The following ROBO3 variants were observed in gnomAD, a reference collection of about 807,000 sequenced individuals.
ROBO3 encodes roundabout guidance receptor 3, also known as roundabout homolog 3.
Under a neutral mutation model 160.5 loss-of-function variants are expected in ROBO3, and 97 were observed. The observed-to-expected ratio is 0.60, with a 90% confidence interval of 0.51 to 0.72. ROBO3 has a LOEUF of 0.72. Among genes scored for constraint, ROBO3 ranks in the 30% least tolerant of loss-of-function variants. The pLI, the probability that ROBO3 is intolerant of heterozygous loss-of-function variation, is 0.00. For synonymous variants in ROBO3, 780 were observed against 746.2 expected (o/e 1.05, Z -0.74); for missense variants, 1,858 against 1,846.5 (o/e 1.01, Z -0.11).
rs762624355 is a variant in ROBO3 at position 124,879,902 on chromosome 11, G to C, written c.3912G>C (p.Ala1304=). 6.2e-7 allele frequency: 1 copy of C among 1,607,494 alleles called. No homozygotes were observed. The highest frequency in any genetic ancestry group is 2.2e-5 in the East Asian group (1 of 44,590). ...GGGAGCGCAGTGGGGAGAGGAAAGCGGTCCAGGCCGTGCCCCTGGCAGCCC... is the reference window on the plus strand; with the variant it reads ...GGGAGCGCAGTGGGGAGAGGAAAGCCGTCCAGGCCGTGCCCCTGGCAGCCC... ...LERERSGERK[A]VQAVPLAAQR... Residue 1304 remains alanine, a synonymous_variant, in exon 26 of 28, where the codon GCG becomes GCC. Transcript: ENST00000397801.
At chr11:124,870,498 G>T in intron 5 of ROBO3, 103 bp from the exon 6 acceptor site, 3 of 1,560,908 alleles carry the variant, frequency 1.9e-6, no homozygotes, top group Non-Finnish European at 2.6e-6. Flanking sequence ...TCCCTGCTGG[G>T]TCCTGCCTGT....
At position 124,874,927 on chromosome 11, in the gene ROBO3, A is replaced by G. The variant is rs952600783; in HGVS notation, c.2073+18A>G. On this transcript the variant is annotated intron_variant, in intron 13 of 27. Transcript: ENST00000397801. ...CCTGGACTGTGAGTGTGGTATGGGG[A>G]GGAGATTCAGGGTGGGGATGATTAT... 1.3e-6 allele frequency: 2 copies of G among 1,599,590 alleles called. No homozygotes were observed. Among genetic ancestry groups the G allele is most frequent in the African/African-American group, 1.3e-5 (1 of 74,718 alleles).
Position 124,876,335 on chromosome 11 carries a change from C to A in ROBO3, c.2654C>A (p.Ala885Glu). 3 of 1,439,358 alleles carry A rather than the reference C, an allele frequency of 2.1e-6. No homozygotes were observed. Among genetic ancestry groups the A allele is most frequent in the African/African-American group, 1.5e-5 (1 of 67,670 alleles). 89.2% of individuals were successfully genotyped at this position (1,439,358 alleles called of 1,614,324 possible). A position where few individuals can be genotyped will look rare whatever the true frequency, so the allele number is the denominator to read the frequency against. The stretch of plus-strand genomic sequence containing the variant: ...GGCGCGGGGCTGGCGGTGCGGCTGG[C>A]GAGGGTGCTGCGGGAGCCCGCCTTC... The part of the protein sequence containing the change: ...EVGAGLAVRL[A>E]RVLREPAFLA... Residue 885 changes from alanine to glutamate, a missense_variant, in exon 17 of 28, where the codon GCG becomes GAG. Transcript: ENST00000397801. The surrounding 1 kb of genome is among the most constrained non-coding windows in gnomAD (Gnocchi z 5.3).
rs573477852 is a variant in ROBO3, at chr11:124,870,278, G to A, written c.880G>A (p.Glu294Lys). The A allele has an allele frequency of 1.2e-6, 2 of 1,613,998 alleles. No individual in the cohort carries two copies. The highest frequency in any genetic ancestry group is 1.1e-5 in the South Asian group (1 of 91,076). ...CCCACCTCGTCTACGCTGGCGCAAG[G>A]AGGATGGGGAACTGCCCACAGGCAG... ...DPPPRLRWRKEDGELPTGRYE... is the reference protein window; with the variant it reads ...DPPPRLRWRKKDGELPTGRYE... The change falls in exon 5 of 28, where the codon GAG (glutamate) becomes AAG (lysine). Residue 294 changes from glutamate (E) to lysine (K), a missense_variant. Transcript: ENST00000397801.
In ROBO3 at chr11:124,871,002, T is replaced by C. The variant is rs2135327376; in HGVS notation, c.1034-12T>C. On this transcript the variant is annotated splice_polypyrimidine_tract_variant and intron_variant, in intron 6 of 27. Transcript: ENST00000397801. ...TGACTACCTGTTCCTTTTTCTCACC[T>C]GCCCTTCCCAGTCCCACCCCAGTTG... 6.2e-7 allele frequency: 1 copy of C among 1,602,542 alleles called. No individual in the cohort carries two copies.
rs1414782646 is a variant in ROBO3, at chr11:124,868,831, C to T, written c.190C>T (p.Pro64Ser). The change falls in exon 2 of 28, where the codon CCC becomes TCC. Residue 64 changes from proline (P) to serine (S), a missense_variant. Transcript: ENST00000397801. Reference sequence around the variant, plus strand: ...AAGGGTAGGACCGGAGGACGCTATGCCCCGCATCGTGGAGCAGCCGCCAGA... The same window carrying T: ...AAGGGTAGGACCGGAGGACGCTATGTCCCGCATCGTGGAGCAGCCGCCAGA... ...GSRVGPEDAMPRIVEQPPDLL... is the reference protein window; with the variant it reads ...GSRVGPEDAMSRIVEQPPDLL... The T allele has an allele frequency of 6.2e-7, 1 of 1,609,818 alleles. No individual in the cohort carries two copies. Among genetic ancestry groups the T allele is most frequent in the South Asian group, 1.1e-5 (1 of 90,070 alleles).
chr11:124,865,692 G>A lies in ROBO3; in HGVS notation c.115G>A (p.Ala39Thr). ...LLLGFNSSLAALNHTLLPPGD... is the reference protein window; with the variant it reads ...LLLGFNSSLATLNHTLLPPGD... ...CTTGGGCTTCAACTCCTCGCTGGCG[G>A]CGCTCAACCACACCCTGCTGCCTCC... The change falls in exon 1 of 28, where the codon GCG becomes ACG. Residue 39 changes from alanine (A) to threonine (T), a missense_variant. Coordinates refer to ENST00000397801, the MANE Select transcript of ROBO3 (RefSeq NM_022370.4). The surrounding 1 kb of genome is among the most constrained non-coding windows in gnomAD (Gnocchi z 5.5). 1.2e-6 allele frequency: 2 copies of A among 1,611,644 alleles called. No individual in the cohort carries two copies. The highest frequency in any genetic ancestry group is 8.5e-7 in the Non-Finnish European group (1 of 1,179,210).
chr11:124,868,538 A>G (rs2135324013), intron 1 of ROBO3: 1 of 613,222 alleles, frequency 1.6e-6, no homozygotes, highest in Non-Finnish European at 2.9e-6. Flanking sequence ...TAGGTGGTCC[A>G]GAAAGCCGGC....
chr11:124,880,275 C>T, intron 26 of ROBO3, 143 bp from the exon 27 acceptor site: 1 of 1,379,166 alleles, frequency 7.3e-7, no homozygotes, highest in East Asian at 2.5e-5. Context: ...CACTCTGCTG[C>T]TCCTCAGCCC....
chr11:124,878,437 G>T lies in ROBO3; in HGVS notation c.3320+1G>T. ...GGCCGGAGGAGGAGCTGGAGGGCAG[G>T]TAGAGATGCTCCCTGCTTCCAGGCC... On this transcript the variant is annotated splice_donor_variant, in intron 22 of 27. Coordinates refer to ENST00000397801, the MANE Select transcript of ROBO3 (RefSeq NM_022370.4). LOFTEE classifies it high-confidence loss of function. The surrounding 1 kb of genome is among the most constrained non-coding windows in gnomAD (Gnocchi z 4.3). 1 of 1,612,376 alleles carries T rather than the reference G, an allele frequency of 6.2e-7. No individual in the cohort carries two copies. Among genetic ancestry groups the T allele is most frequent in the South Asian group, 1.1e-5 (1 of 91,022 alleles).
intron 5 of ROBO3, 38 bp downstream of exon 5, chr11:124,870,341 T>C: frequency 6.3e-7 from 1 of 1,595,342 alleles, no homozygotes; most frequent in Non-Finnish European, 8.5e-7. Context: ...AGACCCAACC[T>C]GATCAAGAGA....
rs201010919 is a variant in ROBO3 at position 124,872,955 on chromosome 11, G to A, written c.1402G>A (p.Val468Met). The A allele has an allele frequency of 2.6e-4, 426 of 1,613,090 alleles. No homozygotes were observed. The highest frequency in any genetic ancestry group is 3.4e-4 in the Non-Finnish European group (403 of 1,179,828). ...TCAGACGCTGGTGCTTGGCTCCTCCGTGTGGCTGCCCTGCAGAGTGACTGG... is the reference window on the plus strand; with the variant it reads ...TCAGACGCTGGTGCTTGGCTCCTCCATGTGGCTGCCCTGCAGAGTGACTGG... Reference protein sequence around the residue: ...ANQTLVLGSSVWLPCRVTGNP... With the variant: ...ANQTLVLGSSMWLPCRVTGNP... The change falls in exon 9 of 28, where the codon GTG becomes ATG. Residue 468 changes from valine to methionine, a missense_variant. Val to Met is a conservative substitution (Grantham distance 21). Transcript: ENST00000397801. This position sits in a 1 kb window ranked among gnomAD's most constrained non-coding sequence, Gnocchi z 4.3.
Position 124,869,078 on chromosome 11 carries a change from G to T in ROBO3, c.437G>T (p.Arg146Leu), listed in dbSNP as rs768751790. 1 of 1,595,662 alleles carries T rather than the reference G, an allele frequency of 6.3e-7. No individual in the cohort carries two copies. The highest frequency in any genetic ancestry group is 8.5e-7 in the Non-Finnish European group (1 of 1,171,104). Residue 146 changes from arginine to leucine, a missense_variant, in exon 2 of 28, where the codon CGC becomes CTC. Coordinates refer to ENST00000397801, the MANE Select transcript of ROBO3 (RefSeq NM_022370.4). The surrounding 1 kb of genome is among the most constrained non-coding windows in gnomAD (Gnocchi z 4.2). ...GAAGGTGTCTACACTTGCGTGGCTCGCAACTACCTGGGGGCAGCAGCGAGC... is the reference window on the plus strand; with the variant it reads ...GAAGGTGTCTACACTTGCGTGGCTCTCAACTACCTGGGGGCAGCAGCGAGC... Reference protein sequence around the residue: ...PDEGVYTCVARNYLGAAASRN... With the variant: ...PDEGVYTCVALNYLGAAASRN...
rs371953340 is a variant in ROBO3 at position 124,877,786 on chromosome 11, G to A, written c.2986+128G>A. The stretch of plus-strand genomic sequence containing the variant: ...GTCCCTGGGGAGGATGTGAGCTGGG[G>A]AAGCCTCTCAGACCTACCTCCACCC... On this transcript the variant is annotated intron_variant, in intron 20 of 27. Coordinates refer to ENST00000397801, the MANE Select transcript of ROBO3 (RefSeq NM_022370.4). 593 of 1,336,898 alleles carry A rather than the reference G, an allele frequency of 4.4e-4. 8 individuals are homozygous for A. The South Asian group carries it at 7.4e-3, about 17-fold the overall frequency. The allele number at this position is 1,336,898 out of a possible 1,614,324, so 82.8% of individuals were successfully genotyped here.
intron 27 of ROBO3, among the ~76,000 whole-genome samples, chr11:124,880,913 C>T (rs779015990): frequency 2.0e-5 from 3 of 151,962 alleles, no homozygotes; most frequent in African/African-American, 7.3e-5. Context: ...ATTAGCTGGG[C>T]GTGGTGGTAT....
chr11:124,880,655 G>A (rs1946560188), intron 27 of ROBO3, 47 bp downstream of exon 27: 10 of 1,474,978 alleles, frequency 6.8e-6, no homozygotes, highest in Non-Finnish European at 9.0e-6. Flanking sequence ...GACTAGGGAA[G>A]GGTGGACCAA....
chr11:124,865,750 C>T lies in ROBO3; in HGVS notation c.160+13C>T. 9 of 1,598,590 alleles carry T rather than the reference C, an allele frequency of 5.6e-6. No individual in the cohort carries two copies. Among genetic ancestry groups the T allele is most frequent in the Non-Finnish European group, 7.7e-6 (9 of 1,173,210 alleles). ...CCCTCTCTCAACGGTGAGACCCTGC[C>T]TCTTGGGGATATGGGATCCTGGGAT... On this transcript the variant is annotated intron_variant, in intron 1 of 27. Coordinates refer to ENST00000397801, the MANE Select transcript of ROBO3 (RefSeq NM_022370.4). This position sits in a 1 kb window ranked among gnomAD's most constrained non-coding sequence, Gnocchi z 5.5.
intron 12 of ROBO3, 130 bp downstream of exon 12, chr11:124,874,366 C>T (rs1049161517): frequency 7.2e-6 from 6 of 830,626 alleles, no homozygotes; most frequent in African/African-American, 5.1e-5. Context: ...ACTGGTGGCC[C>T]GGCCTGGAAT....
At chr11:124,875,528 T>C (rs368167160) in intron 14 of ROBO3, 36 bp from the exon 15 acceptor site, 33 of 1,608,688 alleles carry the variant, frequency 2.1e-5, no homozygotes, top group Non-Finnish European at 2.8e-5. Context: ...GCAATGACTA[T>C]TTGTGTCCTT....
Sources: gnomAD v4.1 joint callset for allele counts (sites outside exome capture counted in the v4.1 genomes callset) on GRCh38, gnomAD v4.1.1 for gene constraint, Gnocchi (gnomAD v3.1) non-coding constraint, MANE v1.5 for transcripts, NCBI Gene and HGNC (gene_info 2026-07-23, HGNC 2026-07-21) for gene names.